KYAT3: variants seen among roughly 807,000 people sequenced by gnomAD.
The protein encoded by KYAT3 is kynurenine aminotransferase 3, also known as kynurenine--oxoglutarate transaminase 3.
Under a neutral mutation model 59.0 loss-of-function variants are expected in KYAT3, and 50 were observed. The observed-to-expected ratio is 0.85, with a 90% confidence interval of 0.68 to 1.07. The LOEUF is 1.07. Among genes scored for constraint, KYAT3 ranks in the 50% least tolerant of loss-of-function variants. The pLI is 0.00. For missense variants in KYAT3, 497 were observed against 533.3 expected (o/e 0.93, Z 0.67); for synonymous variants, 148 against 177.0 (o/e 0.84, Z 1.30).
rs553897208 is a variant in KYAT3 at position 88,988,441 on chromosome 1, G to A, written c.-1-90C>T. 1.2e-5 allele frequency: 8 copies of A among 678,212 alleles called. No individual in the cohort carries two copies. The African/African-American group carries it at 1.5e-4, about 12-fold the overall frequency. The allele number at this position is 678,212 out of a possible 1,614,324, so 42.0% of individuals were successfully genotyped here. A position where few individuals can be genotyped will look rare whatever the true frequency, so the allele number is the denominator to read the frequency against. On this transcript the variant is annotated intron_variant, in intron 1 of 13. Transcript: ENST00000260508. ...CTTACAGCTAGCTGATGTATCATAA[G>A]CTTACGTAAAATCCAAGTAAACATT...
chr1:88,943,413 G>C lies in KYAT3; in HGVS notation c.1152C>G (p.Leu384=). 1.9e-6 allele frequency: 3 copies of C among 1,571,782 alleles called. No homozygotes were observed. The highest frequency in any genetic ancestry group is 2.6e-6 in the Non-Finnish European group (3 of 1,155,780). The change falls in exon 12 of 14, where the codon CTC becomes CTG. Residue 384 remains leucine, a synonymous_variant. Coordinates refer to ENST00000260508, the MANE Select transcript of KYAT3 (RefSeq NM_001008661.3). ...AAGGCTCATTATTCTTCATATCAGAGAGGTCTGGATCTAAAACCACAATGA... is the reference window on the plus strand; with the variant it reads ...AAGGCTCATTATTCTTCATATCAGACAGGTCTGGATCTAAAACCACAATGA... ...IADVSLLDPD[L]SDMKNNEPYD...
At chr1:88,945,156 C>T (rs910063509) in intron 11 of KYAT3, among the ~76,000 whole-genome samples, 7 of 147,530 alleles carry the variant, frequency 4.7e-5, no homozygotes, top group East Asian at 2.0e-4. Context: ...AAAAAAGTAA[C>T]GTAATACCAT....
In KYAT3 at chr1:88,988,310, C is replaced by G. The variant is rs2101099792; in HGVS notation, c.41G>C (p.Arg14Thr). ...AGAAATTGTCTTCAGGAATTTTGCTCTACCGCTAAGAGAGCAGAGGCTCCT... is the reference window on the plus strand; with the variant it reads ...AGAAATTGTCTTCAGGAATTTTGCTGTACCGCTAAGAGAGCAGAGGCTCCT... ...AQRSLCSLSG[R>T]AKFLKTISSS... Residue 14 changes from arginine (R) to threonine (T), a missense_variant, in exon 2 of 14, where the codon AGA becomes ACA. Arg to Thr is a moderately conservative substitution (Grantham distance 71, BLOSUM62 -1). Coordinates refer to ENST00000260508, the MANE Select transcript of KYAT3 (RefSeq NM_001008661.3). 6.2e-7 allele frequency: 1 copy of G among 1,613,730 alleles called. No individual in the cohort carries two copies. The highest frequency in any genetic ancestry group is 8.5e-7 in the Non-Finnish European group (1 of 1,179,756).
At chr1:88,955,111 G>C (rs1475625684) in intron 9 of KYAT3, 38 bp downstream of exon 9, 3 of 1,281,824 alleles carry the variant, frequency 2.3e-6, no homozygotes, top group Non-Finnish European at 3.4e-6. Flanking sequence ...ATAATATACA[G>C]GCCTATTTTT....
intron 2 of KYAT3, among the ~76,000 whole-genome samples, chr1:88,985,492 C>T (rs1035608003): frequency 6.6e-6 from 1 of 152,174 alleles, no homozygotes; most frequent in African/African-American, 2.4e-5. Context: ...TGTTCTGTGC[C>T]AAAAACACAC....
chr1:88,968,241 T>C (rs936344520), intron 4 of KYAT3, among the ~76,000 whole-genome samples: 1 of 152,178 alleles, frequency 6.6e-6, no homozygotes, highest in Non-Finnish European at 1.5e-5. Context: ...ACGTCTGATC[T>C]AGAAAATCTT....
chr1:88,936,665 CA>C (rs11431366), intron 13 of KYAT3, among the ~76,000 whole-genome samples: 3 of 150,234 alleles, frequency 2.0e-5, no homozygotes, highest in African/African-American at 7.3e-5. Flanking sequence ...TTGCTCTGAA[CA>C]AAAAAAAATT....
At chr1:88,965,135 T>A (rs936716237) in intron 4 of KYAT3, among the ~76,000 whole-genome samples, 157 bp from the exon 5 acceptor site, 14 of 152,226 alleles carry the variant, frequency 9.2e-5, no homozygotes, top group Non-Finnish European at 1.8e-4. Flanking sequence ...ATAAATTTTT[T>A]AAAATTTCCT....
intron 2 of KYAT3, among the ~76,000 whole-genome samples, chr1:88,973,882 C>G (rs1676655612): frequency 6.6e-6 from 1 of 152,152 alleles, no homozygotes; most frequent in African/African-American, 2.4e-5. Flanking sequence ...CCCATAAGAT[C>G]TGAGGCAGGT....
chr1:88,950,272 A>AG (rs1675616891), intron 10 of KYAT3, among the ~76,000 whole-genome samples: 1 of 152,214 alleles, frequency 6.6e-6, no homozygotes, highest in Non-Finnish European at 1.5e-5. Flanking sequence ...GGAGACAGAG[A>AG]GGGGCAAGAT....
chr1:88,982,688 C>A, intron 2 of KYAT3: 1 of 1,613,422 alleles, frequency 6.2e-7, no homozygotes. Context: ...TCTATCAGAT[C>A]GGCTTCCTCC....
At chr1:88,983,534 G>A (rs1331211368) in intron 2 of KYAT3, 1 of 1,614,084 alleles carries the variant, frequency 6.2e-7, no homozygotes, top group Non-Finnish European at 8.5e-7. Context: ...TCTTGGAGGT[G>A]GGGGCGGTCC....
chr1:88,967,323 A>C (rs12760975), intron 4 of KYAT3, among the ~76,000 whole-genome samples: 47,572 of 151,776 alleles, frequency 0.31, 8,278 homozygotes, highest in Admixed American at 0.41. Context: ...AAATTACAAA[A>C]ATTGTTGATC....
chr1:88,955,189 A>G lies in KYAT3; in HGVS notation c.824T>C (p.Ile275Thr), dbSNP rs766873510. ...ACTGAAAGTCTTTCCAGCACTTCCT[A>G]TTGTTATTGTTCTCTCCCACATACC... ...FPGMWERTIT[I>T]GSAGKTFSVT... The change falls in exon 9 of 14, where the codon ATA (isoleucine) becomes ACA (threonine). Residue 275 changes from isoleucine (I) to threonine (T), a missense_variant. By Grantham distance (89) the Ile-to-Thr change is moderately conservative. Around this residue, in one of 2 missense-constraint regions of KYAT3, gnomAD observed 469 missense variants for 479.1 expected, o/e 0.98. Transcript: ENST00000260508. 4 of 1,612,558 alleles carry G rather than the reference A, an allele frequency of 2.5e-6. No homozygotes were observed. The highest frequency in any genetic ancestry group is 1.1e-5 in the South Asian group (1 of 91,044).
the KYAT3 span, among the ~76,000 whole-genome samples, chr1:88,922,438 T>C: frequency 6.6e-6 from 1 of 152,126 alleles, no homozygotes; most frequent in Non-Finnish European, 1.5e-5. Context: ...TGGTGACCTG[T>C]TAGGAACTGG....
In KYAT3 at chr1:88,983,274, G is replaced by C. The variant is rs755044665; in HGVS notation, c.99+4978C>G. The C allele has an allele frequency of 3.7e-6, 6 of 1,613,798 alleles. No individual in the cohort carries two copies. The highest frequency in any genetic ancestry group is 1.1e-5 in the South Asian group (1 of 91,064). ...GGACCTCCATAACTATCTCTTCCAC[G>C]TGATAGAGGAGCTCTTCCTCCCATT... is the stretch of plus-strand genomic sequence containing the variant. On this transcript the variant is annotated intron_variant, in intron 2 of 13. Transcript: ENST00000260508.
chr1:88,961,250 AG>A lies in KYAT3; in HGVS notation c.703del (p.Leu235PhefsTer26), dbSNP rs1250300969. On this transcript the variant is annotated frameshift_variant, in exon 8 of 14. Coordinates refer to ENST00000260508, the MANE Select transcript of KYAT3 (RefSeq NM_001008661.3). LOFTEE classifies it high-confidence loss of function. The part of the protein sequence containing the change: ...NREELQVIAD[L>X]CIKYDTLCIS... The stretch of plus-strand genomic sequence containing the variant: ...GCAGAGTGTGTCATATTTGATGCAA[AG>A]GTCAGCAATTACTTGCAGTTCCTCT... 3.1e-6 allele frequency: 5 copies of A among 1,613,654 alleles called. No homozygotes were observed. The highest frequency in any genetic ancestry group is 4.2e-6 in the Non-Finnish European group (5 of 1,179,918).
At chr1:88,924,310 A>G in the KYAT3 span, among the ~76,000 whole-genome samples, 1 of 152,208 alleles carries the variant, frequency 6.6e-6, no homozygotes, top group Non-Finnish European at 1.5e-5. Context: ...GGCATAATTT[A>G]TACTCCATAG....
chr1:88,984,000 C>A, intron 2 of KYAT3: 1 of 549,810 alleles, frequency 1.8e-6, no homozygotes, highest in Admixed American at 3.4e-5. Context: ...TATGGCTATC[C>A]ATTCAAAAAA....
Sources: allele counts gnomAD v4.1 joint callset (sites outside exome capture counted in the v4.1 genomes callset), GRCh38; gene constraint gnomAD v4.1.1; regional missense constraint gnomAD v4.1.1; transcripts MANE v1.5; gene names NCBI Gene and HGNC (gene_info 2026-07-23, HGNC 2026-07-21).